The following PLCG2 variants were observed in gnomAD, a reference collection of about 807,000 sequenced individuals.
PLCG2 encodes the protein 1-phosphatidylinositol 4,5-bisphosphate phosphodiesterase gamma-2.
PLCG2 carries 69 observed loss-of-function variants against 175.6 expected under a neutral mutation model. The ratio of observed to expected loss-of-function variants is 0.39; its 90% CI spans 0.32 to 0.48. PLCG2 has a LOEUF of 0.48. PLCG2 is among the 20% of genes least tolerant of loss of function. PLCG2 has a pLI of 0.91. For synonymous variants in PLCG2, 827 were observed against 624.0 expected (o/e 1.33, Z -4.85); for missense variants, 1,798 against 1,650.9 (o/e 1.09, Z -1.54).
At chr16:81,862,559 T>C (rs1248361507) in intron 5 of PLCG2, among the ~76,000 whole-genome samples, 1 of 152,140 alleles carries the variant, frequency 6.6e-6, no homozygotes, top group Non-Finnish European at 1.5e-5. Flanking sequence ...TTTTCCTTTT[T>C]TCTTTTTTCT....
chr16:81,904,302 G>A (rs1168457400), intron 14 of PLCG2, among the ~76,000 whole-genome samples: 4 of 152,218 alleles, frequency 2.6e-5, no homozygotes, highest in African/African-American at 9.7e-5. Context: ...TGATGACTCA[G>A]CCAAGGTCAC....
chr16:81,957,152 A>G (rs776400857), intron 32 of PLCG2, among the ~76,000 whole-genome samples: 1 of 152,140 alleles, frequency 6.6e-6, no homozygotes, highest in Non-Finnish European at 1.5e-5. Context: ...TACAAAAATT[A>G]GCTGGGCATG....
intron 9 of PLCG2, among the ~76,000 whole-genome samples, chr16:81,885,089 T>G (rs1360071336): frequency 6.6e-6 from 1 of 151,378 alleles, no homozygotes; most frequent in Non-Finnish European, 1.5e-5. Flanking sequence ...TCTTGCTCTG[T>G]CACCAGGCTG....
intron 1 of PLCG2, among the ~76,000 whole-genome samples, chr16:81,784,673 G>A (rs1046207053): frequency 6.6e-6 from 1 of 152,210 alleles, no homozygotes; most frequent in Non-Finnish European, 1.5e-5. Flanking sequence ...TGCTGACTTT[G>A]TATCATTGTT....
intron 2 of PLCG2, among the ~76,000 whole-genome samples, chr16:81,790,475 C>T (rs11862076): frequency 0.095 from 14,478 of 152,188 alleles, 786 homozygotes; most frequent in Middle Eastern, 0.12. Context: ...TGGGTGGGGA[C>T]TGTCAGTGTC....
At chr16:81,819,325 A>T (rs572793209) in intron 2 of PLCG2, among the ~76,000 whole-genome samples, 86 of 152,276 alleles carry the variant, frequency 5.6e-4, no homozygotes, top group African/African-American at 1.9e-3. Flanking sequence ...ACACTGCCTC[A>T]TATCCATTTT....
chr16:81,798,254 C>G (rs1287537657), intron 2 of PLCG2, among the ~76,000 whole-genome samples: 1 of 152,174 alleles, frequency 6.6e-6, no homozygotes, highest in African/African-American at 2.4e-5. Flanking sequence ...CAGGGTGCCT[C>G]CCAGCCATGC....
intron 2 of PLCG2, among the ~76,000 whole-genome samples, chr16:81,834,534 G>A (rs559507530): frequency 2.6e-5 from 4 of 152,262 alleles, no homozygotes; most frequent in Admixed American, 2.0e-4. Flanking sequence ...GGGAGAGACC[G>A]CTGAGATGAT....
intron 2 of PLCG2, chr16:81,842,786 G>A (rs1304943141): frequency 6.6e-6 from 1 of 152,128 alleles, no homozygotes; most frequent in African/African-American, 2.4e-5. Context: ...GCCAGCAAAG[G>A]GGTCGGTGGT....
At position 81,958,079 on chromosome 16, in the gene PLCG2, T is replaced by C. The variant is rs905863214; in HGVS notation, c.*81T>C. 20 of 970,920 alleles carry C rather than the reference T, an allele frequency of 2.1e-5. No homozygotes were observed. In the African/African-American group the frequency reaches 2.1e-4, roughly 10 times the overall value. 60.1% of individuals were successfully genotyped at this position (970,920 alleles called of 1,614,324 possible). ...AGGAGAACGTGCCCTATTCACACTC[T>C]GGGAAGACGCTAATCTGTGACATCT... On this transcript the variant is annotated 3_prime_UTR_variant, in exon 33 of 33. Transcript: ENST00000564138.
At chr16:81,796,899 G>A (rs984472045) in intron 2 of PLCG2, among the ~76,000 whole-genome samples, 1 of 152,190 alleles carries the variant, frequency 6.6e-6, no homozygotes, top group Non-Finnish European at 1.5e-5. Context: ...TGAGTGGCAG[G>A]CCTAACACAC....
rs1597159252 is a variant in PLCG2 at position 81,960,015 on chromosome 16, C to T, written c.*2017C>T. On this transcript the variant is annotated 3_prime_UTR_variant, in exon 33 of 33. Transcript: ENST00000564138. ...AAGCAGAAGCTAAGCCTCTCTCCAG[C>T]TGCTGCTGTGTAAAATCCATGCGTG... 1 of 215,354 alleles carries T rather than the reference C, an allele frequency of 4.6e-6. No homozygotes were observed. 13.3% of individuals were successfully genotyped at this position (215,354 alleles called of 1,614,324 possible).
chr16:81,758,286 C>T (rs1196051907), intron 2 of PLCG2, among the ~76,000 whole-genome samples: 3 of 152,156 alleles, frequency 2.0e-5, no homozygotes, highest in Non-Finnish European at 2.9e-5. Flanking sequence ...GCTCACTTAG[C>T]ATTGCATTTT....
chr16:81,772,648 A>G (rs966004616), intron 2 of PLCG2, among the ~76,000 whole-genome samples: 2 of 88,074 alleles, frequency 2.3e-5, no homozygotes, highest in African/African-American at 7.0e-5. Flanking sequence ...TGTTTCTACT[A>G]AAAATACAAA....
At chr16:81,740,163 G>C (rs1476658532) in intron 1 of PLCG2, 1 of 141,338 alleles carries the variant, frequency 7.1e-6, no homozygotes. Context: ...AAAAAAGAAA[G>C]AAAAGAAACA....
chr16:81,950,989 A>T (rs1218711469), intron 31 of PLCG2, among the ~76,000 whole-genome samples: 3 of 152,142 alleles, frequency 2.0e-5, no homozygotes, highest in African/African-American at 4.8e-5. Context: ...TTTATCAAAA[A>T]GGCCAAATTT....
intron 19 of PLCG2, among the ~76,000 whole-genome samples, chr16:81,914,527 G>A (rs750525448): frequency 2.0e-5 from 3 of 152,182 alleles, no homozygotes; most frequent in Admixed American, 1.3e-4. Flanking sequence ...TTCAGTTTGT[G>A]AGCTTGTCTT....
chr16:81,760,403 G>A (rs867519304), intron 2 of PLCG2, among the ~76,000 whole-genome samples: 1 of 152,138 alleles, frequency 6.6e-6, no homozygotes, highest in South Asian at 2.1e-4. Context: ...TCTGACACCT[G>A]CTTCTCTTGT....
intron 30 of PLCG2, among the ~76,000 whole-genome samples, chr16:81,943,418 C>G (rs1028314541): frequency 6.6e-6 from 1 of 152,144 alleles, no homozygotes; most frequent in African/African-American, 2.4e-5. Flanking sequence ...TAAACAACCC[C>G]ATCTCGTGAG....
Sources: allele counts gnomAD v4.1 joint callset (sites outside exome capture counted in the v4.1 genomes callset), GRCh38; gene constraint gnomAD v4.1.1; transcripts MANE v1.5; gene names NCBI Gene and HGNC (gene_info 2026-07-23, HGNC 2026-07-21).